The following BCL11A variants were observed in gnomAD, a reference collection of about 807,000 sequenced individuals.
The protein encoded by BCL11A is B cell CLL/lymphoma 11A.
A neutral mutation model predicts 55.9 loss-of-function variants in BCL11A; 2 were observed. The ratio of observed to expected loss-of-function variants is 0.04; its 90% CI spans 0.01 to 0.11. The LOEUF (loss-of-function observed/expected upper bound fraction) is 0.11. Among genes scored for constraint, BCL11A ranks in the 10% least tolerant of loss-of-function variants. BCL11A has a pLI of 1.00. For missense variants in BCL11A, 817 were observed against 1,137.1 expected (o/e 0.72, Z 4.05); for synonymous variants, 465 against 473.4 (o/e 0.98, Z 0.23).
At position 60,459,643 on chromosome 2, in the gene BCL11A, A is replaced by G; in HGVS notation, c.*761T>C. 1 of 1,032,166 alleles carries G rather than the reference A, an allele frequency of 9.7e-7. No individual in the cohort carries two copies. The highest frequency in any genetic ancestry group is 4.6e-5 in the South Asian group (1 of 21,696). 63.9% of individuals were successfully genotyped at this position (1,032,166 alleles called of 1,614,324 possible). A position where few individuals can be genotyped will look rare whatever the true frequency, so the allele number is the denominator to read the frequency against. On this transcript the variant is annotated 3_prime_UTR_variant, in exon 4 of 4. Transcript: ENST00000642384. ...TAAGCTACAAGTTTATAACAAGTAG[A>G]AAGAACCATCGATGTGGTTTTAATA... is the stretch of plus-strand genomic sequence containing the variant.
At chr2:60,454,113 A>G (rs1675837174), downstream of BCL11A, among the ~76,000 whole-genome samples, 1 of 152,154 alleles carries the variant, frequency 6.6e-6, no homozygotes, top group Non-Finnish European at 1.5e-5. Context: ...TGCTGTATGT[A>G]GTAAATTAAA....
At chr2:60,501,057 C>T (rs1409706071) in intron 2 of BCL11A, among the ~76,000 whole-genome samples, 1 of 152,212 alleles carries the variant, frequency 6.6e-6, no homozygotes, top group Non-Finnish European at 1.5e-5. Flanking sequence ...CACTCAGCAA[C>T]AGAGGTCTCC....
At chr2:60,531,261 T>C (rs2104634934) in intron 2 of BCL11A, among the ~76,000 whole-genome samples, 1 of 152,210 alleles carries the variant, frequency 6.6e-6, no homozygotes, top group Admixed American at 6.5e-5. Context: ...ACAAATCCCG[T>C]TGGACCCACA....
At chr2:60,490,195 T>C (rs964750927) in intron 2 of BCL11A, among the ~76,000 whole-genome samples, 1 of 152,138 alleles carries the variant, frequency 6.6e-6, no homozygotes, top group Admixed American at 6.5e-5. Flanking sequence ...CTAGAACATA[T>C]AAGTCAACAG....
At chr2:60,552,379 G>T (rs925052256) in intron 1 of BCL11A, among the ~76,000 whole-genome samples, 25 of 151,928 alleles carry the variant, frequency 1.6e-4, no homozygotes, top group African/African-American at 6.0e-4. Flanking sequence ...CCTCTCCCGC[G>T]TGCCCCCGGC....
At chr2:60,467,623 G>A (rs1676832357) in intron 3 of BCL11A, among the ~76,000 whole-genome samples, 2 of 90,280 alleles carry the variant, frequency 2.2e-5, no homozygotes, top group African/African-American at 8.9e-5. Context: ...TGATGGTGGT[G>A]GTAATGGTGG....
chr2:60,500,421 G>T (rs1345602666), intron 2 of BCL11A, among the ~76,000 whole-genome samples: 1 of 152,204 alleles, frequency 6.6e-6, no homozygotes, highest in Non-Finnish European at 1.5e-5. Context: ...AGAAGGGCAG[G>T]GAGCAGCTGG....
chr2:60,535,939 A>G (rs757116931), intron 2 of BCL11A: 6 of 152,212 alleles, frequency 3.9e-5, no homozygotes, highest in Non-Finnish European at 7.3e-5. Context: ...CTTTGCTTGA[A>G]TGCTAACTCA....
chr2:60,538,369 A>G (rs1203531913), intron 2 of BCL11A: 1 of 152,294 alleles, frequency 6.6e-6, no homozygotes, highest in Non-Finnish European at 1.5e-5. Context: ...GCATTGCATC[A>G]GATCCACTCA....
chr2:60,547,454 C>A (rs1573098802), intron 1 of BCL11A, among the ~76,000 whole-genome samples: 1 of 148,158 alleles, frequency 6.7e-6, no homozygotes, highest in Non-Finnish European at 1.5e-5. Context: ...TTTAAGCTTC[C>A]AAAGGGGAAA....
At chr2:60,493,892 CA>C (rs1479870926) in intron 2 of BCL11A, among the ~76,000 whole-genome samples, 2 of 152,132 alleles carry the variant, frequency 1.3e-5, no homozygotes, top group Non-Finnish European at 2.9e-5. Flanking sequence ...GCTGGGGGAT[CA>C]GAGGTGAACA....
intron 2 of BCL11A, chr2:60,533,269 G>A (rs375571438): frequency 6.6e-6 from 1 of 152,140 alleles, no homozygotes; most frequent in Non-Finnish European, 1.5e-5. Context: ...GAATAATAAG[G>A]CTTGTGATGA....
intron 2 of BCL11A, among the ~76,000 whole-genome samples, chr2:60,515,410 G>A (rs984984570): frequency 6.6e-6 from 1 of 152,148 alleles, no homozygotes; most frequent in Non-Finnish European, 1.5e-5. Flanking sequence ...TAGGCACCAA[G>A]AAGGCACAAA....
At chr2:60,551,572 G>C (rs1355232931) in intron 1 of BCL11A, among the ~76,000 whole-genome samples, 1 of 152,246 alleles carries the variant, frequency 6.6e-6, no homozygotes, top group Non-Finnish European at 1.5e-5. Context: ...AAGTACCCAG[G>C]GCGGAGGGGA....
intron 2 of BCL11A, among the ~76,000 whole-genome samples, chr2:60,516,546 T>C (rs1270026479): frequency 1.3e-5 from 2 of 152,164 alleles, no homozygotes; most frequent in Non-Finnish European, 2.9e-5. Context: ...TAACTCACCG[T>C]CATCCGGGGA....
At position 60,457,673 on chromosome 2, in the gene BCL11A, T is replaced by G. The variant is rs1388438199; in HGVS notation, c.*2731A>C. On this transcript the variant is annotated 3_prime_UTR_variant, in exon 4 of 4. Transcript: ENST00000642384. ...TGAAAAAAACTGCAAAACATTGGTTTTTTTTTTTTTTTCCTTTTTTTTTCT... is the reference window on the plus strand; with the variant it reads ...TGAAAAAAACTGCAAAACATTGGTTGTTTTTTTTTTTTCCTTTTTTTTTCT... The G allele has an allele frequency of 1.1e-5, 11 of 1,023,072 alleles. No homozygotes were observed. Among genetic ancestry groups the G allele is most frequent in the Non-Finnish European group, 1.2e-5 (10 of 849,274 alleles). 63.4% of individuals were successfully genotyped at this position (1,023,072 alleles called of 1,614,324 possible).
intron 2 of BCL11A, among the ~76,000 whole-genome samples, chr2:60,503,426 G>A (rs969246237): frequency 1.3e-5 from 2 of 152,230 alleles, no homozygotes; most frequent in African/African-American, 4.8e-5. Context: ...GAAGACAGTA[G>A]GCTATTGCTT....
In BCL11A at chr2:60,461,940, C is replaced by G. The variant is rs746427514; in HGVS notation, c.972G>C (p.Gly324=). ...GGGACAGCGGTGGGCTAGACGTGTT[C>G]CCTGCCAGCTCTCTAAGTCTCCTAG... ...DFSRRLRELA[G]NTSSPPLSPG... The change falls in exon 4 of 4, where the codon GGG becomes GGC. Residue 324 remains glycine (G), a synonymous_variant. Transcript: ENST00000642384. 1.2e-6 allele frequency: 2 copies of G among 1,614,004 alleles called. No homozygotes were observed. Among genetic ancestry groups the G allele is most frequent in the Non-Finnish European group, 1.7e-6 (2 of 1,180,044 alleles).
intron 1 of BCL11A, among the ~76,000 whole-genome samples, chr2:60,550,710 C>T (rs967870288): frequency 2.6e-5 from 4 of 152,240 alleles, no homozygotes; most frequent in Non-Finnish European, 5.9e-5. Context: ...CCCTCCCAGC[C>T]TAGAGTGTCC....
Sources: allele counts gnomAD v4.1 joint callset (sites outside exome capture counted in the v4.1 genomes callset), GRCh38; gene constraint gnomAD v4.1.1; transcripts MANE v1.5; gene names NCBI Gene and HGNC (gene_info 2026-07-23, HGNC 2026-07-21).